ITGA9: variants seen among roughly 807,000 people sequenced by gnomAD.
The protein encoded by ITGA9 is integrin subunit alpha 9.
Under a neutral mutation model 127.8 loss-of-function variants are expected in ITGA9, and 56 were observed. The ratio of observed to expected loss-of-function variants is 0.44; its 90% CI spans 0.35 to 0.55. ITGA9 has a LOEUF of 0.55. ITGA9 is among the 20% of genes least tolerant of loss of function. The pLI is 0.00. For missense variants in ITGA9, 1,196 were observed against 1,347.1 expected, an observed-to-expected ratio of 0.89 and a Z score of 1.76; for synonymous variants, 508 against 514.5, an observed-to-expected ratio of 0.99 and a Z score of 0.17.
chr3:37,653,205 T>C (rs1325241683), intron 16 of ITGA9, among the ~76,000 whole-genome samples: 1 of 152,236 alleles, frequency 6.6e-6, no homozygotes, highest in Admixed American at 6.5e-5. Context: ...GATGGCCTAA[T>C]TGCCTTTGCC....
intron 7 of ITGA9, among the ~76,000 whole-genome samples, chr3:37,507,040 G>T (rs896911359): frequency 6.6e-6 from 1 of 152,178 alleles, no homozygotes; most frequent in Non-Finnish European, 1.5e-5. Context: ...AATTTCTGTG[G>T]ATCCTCCTGG....
chr3:37,480,497 C>T (rs17227650), intron 3 of ITGA9, among the ~76,000 whole-genome samples: 16,998 of 152,188 alleles, frequency 0.11, 1,083 homozygotes, highest in Middle Eastern at 0.17. Flanking sequence ...CAAAACCAGC[C>T]ACTCCCTGGC....
chr3:37,618,275 T>A (rs569580208), intron 15 of ITGA9, among the ~76,000 whole-genome samples: 1 of 152,286 alleles, frequency 6.6e-6, no homozygotes, highest in East Asian at 1.9e-4. Flanking sequence ...TGCAGAACAG[T>A]GGATATTGGT....
chr3:37,776,548 C>G (rs1489535382), intron 23 of ITGA9, among the ~76,000 whole-genome samples: 1 of 152,206 alleles, frequency 6.6e-6, no homozygotes, highest in African/African-American at 2.4e-5. Flanking sequence ...TCCTGTCCAG[C>G]CTTCAGCTAC....
chr3:37,556,892 C>G (rs1239629364), intron 15 of ITGA9, among the ~76,000 whole-genome samples: 1 of 152,180 alleles, frequency 6.6e-6, no homozygotes, highest in East Asian at 1.9e-4. Flanking sequence ...TTTATGTGAC[C>G]TAGTGCAGCT....
At chr3:37,633,998 TAAAAC>T (rs1159061022) in intron 16 of ITGA9, among the ~76,000 whole-genome samples, 1 of 152,198 alleles carries the variant, frequency 6.6e-6, no homozygotes. Context: ...GGTTAAAATA[TAAAAC>T]AAATTAAAAT....
At chr3:37,569,179 T>TC (rs1312227395) in intron 15 of ITGA9, among the ~76,000 whole-genome samples, 10 of 152,146 alleles carry the variant, frequency 6.6e-5, no homozygotes, top group Middle Eastern at 3.2e-3. Context: ...AAGACATGTC[T>TC]TACATGGGTG....
intron 21 of ITGA9, among the ~76,000 whole-genome samples, chr3:37,743,695 T>C (rs1170755478): frequency 1.3e-5 from 2 of 152,226 alleles, no homozygotes; most frequent in African/African-American, 4.8e-5. Flanking sequence ...AGAAAGGTAA[T>C]CCCAGTGCAT....
At chr3:37,616,259 A>T (rs1456172786) in intron 15 of ITGA9, among the ~76,000 whole-genome samples, 1 of 152,132 alleles carries the variant, frequency 6.6e-6, no homozygotes, top group East Asian at 1.9e-4. Flanking sequence ...TTCAGTTTCC[A>T]TGTAGTTGAG....
chr3:37,759,537 A>T, intron 23 of ITGA9, among the ~76,000 whole-genome samples: 1 of 152,334 alleles, frequency 6.6e-6, no homozygotes, highest in Middle Eastern at 3.4e-3. Flanking sequence ...AATTAAAATA[A>T]GTGGAAATTA....
At chr3:37,561,864 C>T (rs1301749481) in intron 15 of ITGA9, among the ~76,000 whole-genome samples, 6 of 152,088 alleles carry the variant, frequency 3.9e-5, no homozygotes, top group Admixed American at 3.9e-4. Flanking sequence ...CATCTCTCAG[C>T]CCTGTTATTA....
At chr3:37,775,510 G>C (rs1696896137) in intron 23 of ITGA9, among the ~76,000 whole-genome samples, 1 of 152,108 alleles carries the variant, frequency 6.6e-6, no homozygotes, top group Non-Finnish European at 1.5e-5. Context: ...GCCGGGCATG[G>C]TGGCAGGTGC....
At chr3:37,512,052 CTTTCTTTCTTTCTTTCTTTCT>C (rs1559524524) in intron 8 of ITGA9, among the ~76,000 whole-genome samples, 4,392 of 42,056 alleles carry the variant, frequency 0.1, 586 homozygotes, top group East Asian at 0.37. Flanking sequence ...TTCTTTCTTT[CTTTCTTTCTTTCTTTCTTTCT>C]TTCCTTCCTT....
intron 16 of ITGA9, among the ~76,000 whole-genome samples, chr3:37,638,789 T>G (rs1249812432): frequency 6.6e-6 from 1 of 152,192 alleles, no homozygotes; most frequent in African/African-American, 2.4e-5. Flanking sequence ...GATGGCCTAA[T>G]TAAAGTGGAA....
intron 18 of ITGA9, among the ~76,000 whole-genome samples, chr3:37,721,897 C>G (rs78274324): frequency 0.02 from 3,087 of 152,256 alleles, 112 homozygotes; most frequent in African/African-American, 0.07. Context: ...CCCCAGGCCC[C>G]GTCTGATCTA....
At chr3:37,764,053 G>A (rs909532577) in intron 23 of ITGA9, among the ~76,000 whole-genome samples, 11 of 152,110 alleles carry the variant, frequency 7.2e-5, no homozygotes, top group African/African-American at 2.4e-4. Flanking sequence ...TCTTTGTTAA[G>A]CCATTCTGGT....
intron 18 of ITGA9, among the ~76,000 whole-genome samples, chr3:37,728,112 C>T (rs1221243846): frequency 6.6e-6 from 1 of 152,216 alleles, no homozygotes; most frequent in Non-Finnish European, 1.5e-5. Context: ...AGTCTCATAA[C>T]CATCAGCCTT....
chr3:37,787,864 G>C (rs545261005), intron 26 of ITGA9, among the ~76,000 whole-genome samples: 4 of 152,170 alleles, frequency 2.6e-5, no homozygotes, highest in African/African-American at 7.2e-5. Flanking sequence ...GGTATCGAGT[G>C]GGGGAGGAAA....
chr3:37,588,326 C>A (rs908770705), intron 15 of ITGA9, among the ~76,000 whole-genome samples: 2 of 151,666 alleles, frequency 1.3e-5, no homozygotes, highest in African/African-American at 2.4e-5. Context: ...AGCCCACCCC[C>A]CCACTTCCCT....
Sources: allele counts gnomAD v4.1 joint callset (sites outside exome capture counted in the v4.1 genomes callset), GRCh38; gene constraint gnomAD v4.1.1; transcripts MANE v1.5; gene names NCBI Gene and HGNC (gene_info 2026-07-23, HGNC 2026-07-21).